BMERB1: variants seen among roughly 807,000 people sequenced by gnomAD.
BMERB1 encodes the protein bMERB domain containing 1.
BMERB1 carries 12 observed loss-of-function variants against 23.6 expected under a neutral mutation model. The observed-to-expected ratio is 0.51, with a 90% confidence interval of 0.33 to 0.82. The LOEUF is 0.82. Ranked by LOEUF, BMERB1 falls within the 40% of genes least tolerant of loss-of-function variation. The pLI, the probability that BMERB1 is intolerant of heterozygous loss-of-function variation, is 0.03. For missense variants in BMERB1, 247 were observed against 255.4 expected (o/e 0.97, Z 0.22); for synonymous variants, 122 against 96.6 (o/e 1.26, Z -1.54).
At chr16:15,462,236 C>A (rs987611187) in intron 1 of BMERB1, among the ~76,000 whole-genome samples, 4 of 147,870 alleles carry the variant, frequency 2.7e-5, no homozygotes, top group African/African-American at 1.0e-4. Flanking sequence ...ACTGCAGCCT[C>A]CACCTCCCAG....
intron 1 of BMERB1, among the ~76,000 whole-genome samples, chr16:15,514,115 ATAAAAAT>A (rs1229336773): frequency 1.3e-5 from 2 of 151,800 alleles, no homozygotes; most frequent in African/African-American, 4.9e-5. Context: ...CTACAAAAAA[ATAAAAAT>A]TAAAAAGTTA....
chr16:15,555,713 C>T (rs993472580), intron 2 of BMERB1, among the ~76,000 whole-genome samples: 2 of 152,296 alleles, frequency 1.3e-5, no homozygotes, highest in Middle Eastern at 3.4e-3. Flanking sequence ...GGCACCTCTC[C>T]GGTCCCTTGG....
intron 1 of BMERB1, among the ~76,000 whole-genome samples, chr16:15,462,831 G>A (rs2051147355): frequency 6.6e-6 from 1 of 152,150 alleles, no homozygotes; most frequent in Non-Finnish European, 1.5e-5. Context: ...TCAGGTTATT[G>A]ATTTGAAAGA....
chr16:15,523,605 A>T (rs2150956771), intron 2 of BMERB1, among the ~76,000 whole-genome samples: 1 of 152,082 alleles, frequency 6.6e-6, no homozygotes, highest in African/African-American at 2.4e-5. Flanking sequence ...TTTGAATTCT[A>T]CTTCTTACCA....
intron 2 of BMERB1, among the ~76,000 whole-genome samples, chr16:15,558,517 C>T (rs539665124): frequency 7.2e-5 from 11 of 152,086 alleles, no homozygotes; most frequent in East Asian, 2.0e-4. Context: ...GTCACTTCTC[C>T]GGCATTTGCA....
At chr16:15,539,247 A>G (rs1367060393) in intron 2 of BMERB1, among the ~76,000 whole-genome samples, 2 of 152,114 alleles carry the variant, frequency 1.3e-5, no homozygotes, top group Non-Finnish European at 2.9e-5. Flanking sequence ...CCTCACATGC[A>G]CAGTTCACAA....
chr16:15,456,848 C>T (rs547136712), intron 1 of BMERB1, among the ~76,000 whole-genome samples: 156 of 151,552 alleles, frequency 1.0e-3, no homozygotes, highest in African/African-American at 3.7e-3. Flanking sequence ...TTTTTTGATG[C>T]GGAATCTCAC....
At chr16:15,576,838 G>T (rs537788751) in intron 3 of BMERB1, among the ~76,000 whole-genome samples, 1 of 152,140 alleles carries the variant, frequency 6.6e-6, no homozygotes, top group Non-Finnish European at 1.5e-5. Context: ...GACATACAGA[G>T]GAGTGAGTTT....
In BMERB1 at chr16:15,588,099, CTGA is replaced by C. The variant is rs1412089737; in HGVS notation, c.*1273_*1275del. 2.6e-5 allele frequency: 4 copies of C among 151,696 alleles called. No homozygotes were observed. The highest frequency in any genetic ancestry group is 1.9e-4 in the East Asian group (1 of 5,172). The allele number at this position is 151,696 out of a possible 1,614,324, so 9.4% of individuals were successfully genotyped here. On this transcript the variant is annotated 3_prime_UTR_variant, in exon 6 of 6. Coordinates refer to ENST00000300006, the MANE Select transcript of BMERB1 (RefSeq NM_033201.3). The stretch of plus-strand genomic sequence containing the variant: ...ATTATTCCTCCAACTAGAGACCACT[CTGA>C]TGTTTCGACGTTTTAAAAAAGTCTT...
At position 15,535,648 on chromosome 16, in the gene BMERB1, C is replaced by CAA. The variant is rs34379447; in HGVS notation, c.230+20234_230+20235dup. On this transcript the variant is annotated intron_variant, in intron 2 of 5. Transcript: ENST00000300006. ...CTGGCGACAGAGCAAGACTCCATCT[C>CAA]AAAAAAAAAAAAAAAGGAAAGAAAA... Among the ~76,000 whole-genome samples the CAA allele has an allele frequency of 9.9e-4, 100 of 100,616 alleles. 1 individual carries two copies. Among genetic ancestry groups the CAA allele is most frequent in the East Asian group, 3.2e-3 (13 of 4,006 alleles). The allele number at this position is 100,616 out of a possible 152,430, so 66.0% of individuals were successfully genotyped here.
At position 15,442,009 on chromosome 16, in the gene BMERB1, T is replaced by C. The variant is rs572882156; in HGVS notation, c.106+7250T>C. ...GTGACAAGGGCCCCATGGGTTGTCC[T>C]CTGGAAGATCAAGCACCTGGTTAAG... On this transcript the variant is annotated intron_variant, in intron 1 of 5. Coordinates refer to ENST00000300006, the MANE Select transcript of BMERB1 (RefSeq NM_033201.3). 3.3e-3 allele frequency among the ~76,000 whole-genome samples: 500 copies of C among 152,252 alleles called. 1 individual carries two copies. Among genetic ancestry groups the C allele is most frequent in the Non-Finnish European group, 5.5e-3 (376 of 68,014 alleles).
At chr16:15,543,684 G>C (rs1377476530) in intron 2 of BMERB1, among the ~76,000 whole-genome samples, 6 of 151,284 alleles carry the variant, frequency 4.0e-5, no homozygotes, top group Admixed American at 3.9e-4. Flanking sequence ...AGCTGGGCAT[G>C]GTAGTGTGTA....
At chr16:15,532,419 C>T (rs913808596) in intron 2 of BMERB1, among the ~76,000 whole-genome samples, 2 of 151,624 alleles carry the variant, frequency 1.3e-5, no homozygotes, top group African/African-American at 2.4e-5. Flanking sequence ...TAGTAGAGAC[C>T]GGGTTTCACC....
chr16:15,485,654 C>G (rs534882436), intron 1 of BMERB1, among the ~76,000 whole-genome samples: 3 of 152,132 alleles, frequency 2.0e-5, no homozygotes, highest in African/African-American at 7.2e-5. Flanking sequence ...ACTACTATTT[C>G]CATCTGTGTT....
intron 2 of BMERB1, among the ~76,000 whole-genome samples, chr16:15,525,707 A>G (rs1181387953): frequency 1.6e-5 from 2 of 122,364 alleles, no homozygotes; most frequent in Non-Finnish European, 3.0e-5. Context: ...CCCATCTCAG[A>G]AAAAAAAAAA....
chr16:15,560,856 C>G (rs1031330790), intron 2 of BMERB1, among the ~76,000 whole-genome samples: 39 of 151,402 alleles, frequency 2.6e-4, no homozygotes, highest in Non-Finnish European at 5.0e-4. Flanking sequence ...AGTATAAGCA[C>G]TGAAAGTTAT....
chr16:15,489,844 T>C (rs1227709228), intron 1 of BMERB1, among the ~76,000 whole-genome samples: 1 of 152,174 alleles, frequency 6.6e-6, no homozygotes, highest in Non-Finnish European at 1.5e-5. Context: ...AGTTTTCTTT[T>C]ATTTTCAGCG....
chr16:15,494,877 CTTTT>C (rs754135430), intron 1 of BMERB1, among the ~76,000 whole-genome samples: 16 of 95,158 alleles, frequency 1.7e-4, no homozygotes, highest in African/African-American at 6.1e-4. Flanking sequence ...TTTTTTTTAT[CTTTT>C]TTTTTTTTTT....
chr16:15,517,899 CTGTG>C (rs943109843), intron 2 of BMERB1, among the ~76,000 whole-genome samples: 45 of 112,610 alleles, frequency 4.0e-4, no homozygotes, highest in East Asian at 4.0e-3. Context: ...GTGTGTGGAT[CTGTG>C]TGTGTGTATG....
Sources: gnomAD v4.1 joint callset for allele counts (sites outside exome capture counted in the v4.1 genomes callset) on GRCh38, gnomAD v4.1.1 for gene constraint, MANE v1.5 for transcripts, NCBI Gene and HGNC (gene_info 2026-07-23, HGNC 2026-07-21) for gene names.